Variants in CPA6 observed in about 807,000 individuals in gnomAD.
The protein encoded by CPA6 is carboxypeptidase A6.
CPA6 carries 58 observed loss-of-function variants against 63.3 expected under a neutral mutation model. The observed-to-expected ratio is 0.92, with a 90% CI of 0.74 to 1.14. The LOEUF is 1.14. Ranked by LOEUF, CPA6 falls within the 50% of genes most tolerant of loss-of-function variation. The pLI, the probability that CPA6 is intolerant of heterozygous loss-of-function variation, is 0.00. For synonymous variants in CPA6, 185 were observed against 179.0 expected, an observed-to-expected ratio of 1.03 and a Z score of -0.27; for missense variants, 565 against 526.6, an observed-to-expected ratio of 1.07 and a Z score of -0.71.
At chr8:67,681,195 A>ATTTTTTTTT (rs1554533441) in intron 1 of CPA6, among the ~76,000 whole-genome samples, 90 of 97,076 alleles carry the variant, frequency 9.3e-4, no homozygotes, top group African/African-American at 3.0e-3. Flanking sequence ...GGTCACAAAG[A>ATTTTTTTTT]TTTTCTTTTT....
At chr8:67,485,686 A>ACATATGAG (rs1183707300) in intron 6 of CPA6, among the ~76,000 whole-genome samples, 72 of 152,304 alleles carry the variant, frequency 4.7e-4, no homozygotes, top group African/African-American at 1.7e-3. Flanking sequence ...TTTCTCCTAG[A>ACATATGAG]CATATGAGAA....
intron 5 of CPA6, among the ~76,000 whole-genome samples, chr8:67,507,278 A>G (rs1811949973): frequency 6.6e-6 from 1 of 152,064 alleles, no homozygotes; most frequent in Admixed American, 6.6e-5. Flanking sequence ...TCATTGTAAT[A>G]TAGTATGTGA....
At chr8:67,670,119 G>A (rs185165774) in intron 1 of CPA6, among the ~76,000 whole-genome samples, 1 of 152,148 alleles carries the variant, frequency 6.6e-6, no homozygotes, top group East Asian at 1.9e-4. Context: ...ATGCCTATTA[G>A]CACACGTATT....
chr8:67,744,173 C>G (rs137879659), intron 1 of CPA6, among the ~76,000 whole-genome samples: 1,758 of 152,246 alleles, frequency 0.012, 33 homozygotes, highest in African/African-American at 0.04. Context: ...AGTGAATATG[C>G]TCAGAAATAT....
In CPA6 at chr8:67,518,808, A is replaced by G. The variant is rs145009861; in HGVS notation, c.193-761T>C. On this transcript the variant is annotated intron_variant, in intron 2 of 10. Transcript: ENST00000297770. ...TTACATACGTGAGCCACGGTGCCCC[A>G]CCTAGATGGACCATTCTCTAGGTGC... 3.4e-3 allele frequency among the ~76,000 whole-genome samples: 521 copies of G among 151,994 alleles called. 4 individuals carry two copies. The highest frequency in any genetic ancestry group is 0.011 in the African/African-American group (450 of 41,460).
intron 9 of CPA6, among the ~76,000 whole-genome samples, chr8:67,432,754 G>A (rs977285065): frequency 2.0e-5 from 3 of 152,186 alleles, no homozygotes; most frequent in Admixed American, 6.5e-5. Context: ...GCGAGCCACT[G>A]TATCCAGCCA....
intron 2 of CPA6, among the ~76,000 whole-genome samples, chr8:67,622,860 C>G (rs976383580): frequency 2.0e-5 from 3 of 152,112 alleles, no homozygotes; most frequent in Non-Finnish European, 4.4e-5. Flanking sequence ...TAAAATGAAG[C>G]CTAAACCACC....
chr8:67,620,661 C>T (rs1815058672), intron 2 of CPA6, among the ~76,000 whole-genome samples: 1 of 152,150 alleles, frequency 6.6e-6, no homozygotes, highest in Non-Finnish European at 1.5e-5. Context: ...TGCTGCTTTC[C>T]ATAGTACAAA....
At chr8:67,642,677 A>G (rs1310994304) in intron 1 of CPA6, among the ~76,000 whole-genome samples, 1 of 152,130 alleles carries the variant, frequency 6.6e-6, no homozygotes, top group Non-Finnish European at 1.5e-5. Context: ...ATAGAGAAAC[A>G]TGATCCATGA....
chr8:67,450,109 C>T (rs533800775), intron 8 of CPA6, among the ~76,000 whole-genome samples: 4 of 149,218 alleles, frequency 2.7e-5, no homozygotes, highest in Non-Finnish European at 6.0e-5. Flanking sequence ...AGCCACCGCG[C>T]CTGGCCACCC....
intron 2 of CPA6, among the ~76,000 whole-genome samples, chr8:67,532,512 A>T (rs1312110515): frequency 6.6e-6 from 1 of 152,000 alleles, no homozygotes; most frequent in East Asian, 1.9e-4. Flanking sequence ...CCCTATCTCT[A>T]CAAAACAAAA....
intron 2 of CPA6, among the ~76,000 whole-genome samples, chr8:67,591,057 T>A (rs2128980967): frequency 6.6e-6 from 1 of 150,730 alleles, no homozygotes; most frequent in South Asian, 2.1e-4. Context: ...TGAATTAATT[T>A]TTGTATAAGG....
intron 1 of CPA6, among the ~76,000 whole-genome samples, chr8:67,716,829 C>T (rs1195462015): frequency 6.6e-6 from 1 of 152,106 alleles, no homozygotes; most frequent in Non-Finnish European, 1.5e-5. Context: ...TTATCTTATT[C>T]ATCACTGTAT....
intron 8 of CPA6, among the ~76,000 whole-genome samples, chr8:67,442,711 T>A (rs1587429146): frequency 6.6e-6 from 1 of 152,148 alleles, no homozygotes; most frequent in African/African-American, 2.4e-5. Context: ...GTGAAGAACC[T>A]CTGTGGTGCC....
intron 1 of CPA6, among the ~76,000 whole-genome samples, chr8:67,639,686 C>G (rs1815546357): frequency 6.6e-6 from 1 of 151,606 alleles, no homozygotes; most frequent in Admixed American, 6.6e-5. Flanking sequence ...TCTCTCCTTT[C>G]TTGTCACCCA....
chr8:67,691,423 T>G (rs34937364), intron 1 of CPA6, among the ~76,000 whole-genome samples: 71,361 of 152,004 alleles, frequency 0.47, 19,874 homozygotes, highest in African/African-American at 0.79. Flanking sequence ...TTCAGGCCTG[T>G]CCCCCAAAAC....
At chr8:67,584,636 A>C (rs957421788) in intron 2 of CPA6, among the ~76,000 whole-genome samples, 8 of 152,234 alleles carry the variant, frequency 5.3e-5, no homozygotes, top group African/African-American at 1.9e-4. Context: ...GCAGATGAGC[A>C]GGAAAACTCC....
chr8:67,526,470 A>AATGGTTT, intron 2 of CPA6, among the ~76,000 whole-genome samples: 1 of 152,236 alleles, frequency 6.6e-6, no homozygotes, highest in South Asian at 2.1e-4. Context: ...TGTTCTGTGA[A>AATGGTTT]ATGGTTTATG....
At chr8:67,666,685 G>C (rs1048775081) in intron 1 of CPA6, among the ~76,000 whole-genome samples, 2 of 152,118 alleles carry the variant, frequency 1.3e-5, no homozygotes, top group Non-Finnish European at 2.9e-5. Flanking sequence ...GGGAACAGGG[G>C]CTGCTTGGGG....
Sources: allele counts gnomAD v4.1 joint callset (sites outside exome capture counted in the v4.1 genomes callset), GRCh38; gene constraint gnomAD v4.1.1; transcripts MANE v1.5; gene names NCBI Gene and HGNC (gene_info 2026-07-23, HGNC 2026-07-21).